OPTC: variants seen among roughly 807,000 people sequenced by gnomAD.
The protein encoded by OPTC is oculoglycan.
OPTC carries 22 observed loss-of-function variants against 25.4 expected under a neutral mutation model. The ratio of observed to expected loss-of-function variants is 0.87; its 90% confidence interval spans 0.62 to 1.24. The LOEUF (loss-of-function observed/expected upper bound fraction) is 1.24, where lower values mean the gene tolerates loss of function less well. Among genes scored for constraint, OPTC ranks in the 50% most tolerant of loss-of-function variants. The pLI, the probability that OPTC is intolerant of heterozygous loss-of-function variation, is 0.00. For synonymous variants in OPTC, 169 were observed against 179.3 expected (o/e 0.94, Z 0.46); for missense variants, 417 against 425.2 (o/e 0.98, Z 0.17).
intron 7 of OPTC, among the ~76,000 whole-genome samples, chr1:203,508,163 A>G (rs1310436432): frequency 1.3e-5 from 2 of 152,254 alleles, no homozygotes; most frequent in African/African-American, 4.8e-5. Flanking sequence ...AGTGACAGCC[A>G]TCACTTCTTG....
chr1:203,494,909 C>T (rs534419335), intron 1 of OPTC, among the ~76,000 whole-genome samples: 18 of 152,304 alleles, frequency 1.2e-4, no homozygotes, highest in African/African-American at 4.3e-4. Flanking sequence ...TGTGCACACA[C>T]ACACAAATAT....
At chr1:203,496,333 C>T (rs1661280229) in intron 2 of OPTC, 97 bp downstream of exon 2, 2 of 814,134 alleles carry the variant, frequency 2.5e-6, no homozygotes, top group East Asian at 2.5e-5. Context: ...TGTCTCCAGC[C>T]TCCACCTCTT....
At chr1:203,494,376 A>C (rs1354348609) in intron 1 of OPTC, among the ~76,000 whole-genome samples, 159 bp downstream of exon 1, 2 of 152,146 alleles carry the variant, frequency 1.3e-5, no homozygotes, top group Non-Finnish European at 2.9e-5. Context: ...CTCTTAGAAA[A>C]ATTTTTTTTG....
At chr1:203,508,473 C>T (rs894258793) in intron 7 of OPTC, among the ~76,000 whole-genome samples, 173 bp from the exon 8 acceptor site, 7 of 152,300 alleles carry the variant, frequency 4.6e-5, no homozygotes, top group African/African-American at 1.4e-4. Flanking sequence ...TGTCTGTGTC[C>T]TCCTTCCTTC....
intron 5 of OPTC, 78 bp downstream of exon 5, chr1:203,499,929 C>T: frequency 8.4e-7 from 1 of 1,186,056 alleles, no homozygotes; most frequent in Non-Finnish European, 1.2e-6. Context: ...CCACCTACCT[C>T]CACCACTCAC....
chr1:203,503,071 G>C lies in OPTC; in HGVS notation c.828+62G>C. Reference sequence around the variant, plus strand: ...CGTGGAGGATGGAAGTTAGATACCAGGAGCAGGTCGTGGCAGAGAGAGGCA... The same window carrying C: ...CGTGGAGGATGGAAGTTAGATACCACGAGCAGGTCGTGGCAGAGAGAGGCA... On this transcript the variant is annotated intron_variant, in intron 6 of 7. Coordinates refer to ENST00000367222, the MANE Select transcript of OPTC (RefSeq NM_014359.4). 2.2e-6 allele frequency: 3 copies of C among 1,343,540 alleles called. No homozygotes were observed. The South Asian group carries it at 3.6e-5, about 16-fold the overall frequency. 83.2% of individuals were successfully genotyped at this position (1,343,540 alleles called of 1,614,324 possible). A position where few individuals can be genotyped will look rare whatever the true frequency, so the allele number is the denominator to read the frequency against.
intron 5 of OPTC, among the ~76,000 whole-genome samples, chr1:203,501,006 T>A (rs994684774): frequency 6.6e-6 from 1 of 152,232 alleles, no homozygotes; most frequent in Non-Finnish European, 1.5e-5. Flanking sequence ...GTGCTGATTC[T>A]GGCCCTAATT....
intron 7 of OPTC, among the ~76,000 whole-genome samples, chr1:203,508,022 G>T (rs1661524904): frequency 6.6e-6 from 1 of 152,202 alleles, no homozygotes; most frequent in South Asian, 2.1e-4. Flanking sequence ...TAACAACTCT[G>T]TGAGGAAGGA....
At chr1:203,506,072 G>A (rs1661478992) in intron 7 of OPTC, among the ~76,000 whole-genome samples, 1 of 151,734 alleles carries the variant, frequency 6.6e-6, no homozygotes, top group Admixed American at 6.6e-5. Context: ...TTATGACAAG[G>A]CCTAGGCATG....
chr1:203,500,537 C>T (rs1028357949), intron 5 of OPTC, among the ~76,000 whole-genome samples: 3 of 151,682 alleles, frequency 2.0e-5, no homozygotes, highest in Non-Finnish European at 2.9e-5. Context: ...CACCACCACC[C>T]ACTGTTTTCA....
chr1:203,496,065 T>C lies in OPTC; in HGVS notation c.60T>C (p.Ala20=). The stretch of plus-strand genomic sequence containing the variant: ...TGGTGCTGCAGGAGACAGGGACAGC[T>C]TCTCTCCCAAGGAAGGAGAGGAAGA... ...LALVLQETGT[A]SLPRKERKRR... The change falls in exon 2 of 8, where the codon GCT becomes GCC. Residue 20 remains alanine (A), a synonymous_variant. Coordinates refer to ENST00000367222, the MANE Select transcript of OPTC (RefSeq NM_014359.4). 1.9e-6 allele frequency: 3 copies of C among 1,614,008 alleles called. No individual in the cohort carries two copies. The highest frequency in any genetic ancestry group is 1.7e-6 in the Non-Finnish European group (2 of 1,179,966).
At chr1:203,508,316 A>G (rs1202902044) in intron 7 of OPTC, among the ~76,000 whole-genome samples, 1 of 152,198 alleles carries the variant, frequency 6.6e-6, no homozygotes, top group Non-Finnish European at 1.5e-5. Flanking sequence ...GGGGCTGCCT[A>G]TGGAGCTTGA....
Position 203,497,090 on chromosome 1 carries a change from G to T in OPTC, c.345G>T (p.Leu115=). 1.2e-6 allele frequency: 2 copies of T among 1,614,062 alleles called. No homozygotes were observed. Among genetic ancestry groups the T allele is most frequent in the Non-Finnish European group, 8.5e-7 (1 of 1,180,020 alleles). ...TGACCAGACCTACTACAGCAGGGCTGCTACTGAGTTCCCAGCCCAACCATG... is the reference window on the plus strand; with the variant it reads ...TGACCAGACCTACTACAGCAGGGCTTCTACTGAGTTCCCAGCCCAACCATG... ...PTMTRPTTAG[L]LLSSQPNHGL... Residue 115 remains leucine, a synonymous_variant, in exon 3 of 8, where the codon CTG becomes CTT. Coordinates refer to ENST00000367222, the MANE Select transcript of OPTC (RefSeq NM_014359.4).
intron 1 of OPTC, among the ~76,000 whole-genome samples, chr1:203,494,775 T>C (rs1392932258): frequency 1.3e-5 from 2 of 152,254 alleles, no homozygotes; most frequent in South Asian, 4.1e-4. Context: ...TGGGTATGAC[T>C]GTTGTATACA....
intron 4 of OPTC, 93 bp from the exon 5 acceptor site, chr1:203,499,556 G>C (rs1444179600): frequency 9.8e-7 from 1 of 1,019,426 alleles, no homozygotes; most frequent in East Asian, 2.4e-5. Context: ...CATCTTGAGA[G>C]GGATGGAGCA....
chr1:203,502,523 T>C (rs1177829753), intron 5 of OPTC, among the ~76,000 whole-genome samples: 1 of 152,140 alleles, frequency 6.6e-6, no homozygotes, highest in African/African-American at 2.4e-5. Context: ...AGGTTTAGCA[T>C]TTGGAGACTT....
chr1:203,503,913 T>C (rs1300448241), intron 7 of OPTC, among the ~76,000 whole-genome samples, 168 bp downstream of exon 7: 1 of 152,188 alleles, frequency 6.6e-6, no homozygotes, highest in Middle Eastern at 3.2e-3. Context: ...TGTACTGAAA[T>C]GTTTTTCAGT....
Position 203,499,779 on chromosome 1 carries a change from C to T in OPTC, c.660C>T (p.Pro220=). 1.2e-6 allele frequency: 2 copies of T among 1,612,878 alleles called. No homozygotes were observed. The highest frequency in any genetic ancestry group is 1.7e-6 in the Non-Finnish European group (2 of 1,179,898). ...ENQLEALPVL[P]SGIEFLDVRL... ...AGTTGGAAGCTCTGCCCGTGCTGCC[C>T]AGTGGCATTGAGTTCCTGGATGTCC... The change falls in exon 5 of 8, where the codon CCC becomes CCT. Residue 220 remains proline, a synonymous_variant. Transcript: ENST00000367222.
intron 7 of OPTC, among the ~76,000 whole-genome samples, chr1:203,506,122 C>A (rs1661479676): frequency 1.3e-5 from 2 of 151,836 alleles, no homozygotes; most frequent in Non-Finnish European, 2.9e-5. Flanking sequence ...TGCAAGAGAT[C>A]CTGGATTGAG....
Sources: gnomAD v4.1 joint callset for allele counts (sites outside exome capture counted in the v4.1 genomes callset) on GRCh38, gnomAD v4.1.1 for gene constraint, MANE v1.5 for transcripts, NCBI Gene and HGNC (gene_info 2026-07-23, HGNC 2026-07-21) for gene names.